SHISA6: variants seen among roughly 807,000 people sequenced by gnomAD.
The protein encoded by SHISA6 is shisa family member 6, also known as protein shisa-6.
A neutral mutation model predicts 47.9 loss-of-function variants in SHISA6; 22 were observed. That is an observed-to-expected ratio of 0.46 (90% CI 0.33 to 0.66). SHISA6 has a LOEUF of 0.66. Among genes scored for constraint, SHISA6 ranks in the 30% least tolerant of loss-of-function variants. The pLI is 0.02. For synonymous variants in SHISA6, 388 were observed against 337.8 expected (o/e 1.15, Z -1.63); for missense variants, 680 against 764.6 (o/e 0.89, Z 1.30).
chr17:11,262,593 A>T (rs1567553753), intron 1 of SHISA6, among the ~76,000 whole-genome samples: 1 of 152,222 alleles, frequency 6.6e-6, no homozygotes, highest in South Asian at 2.1e-4. Flanking sequence ...TGACTGATGC[A>T]TGCTGAATCG....
intron 3 of SHISA6, among the ~76,000 whole-genome samples, chr17:11,433,911 A>G (rs2142291825): frequency 6.6e-6 from 1 of 152,278 alleles, no homozygotes; most frequent in East Asian, 1.9e-4. Context: ...AAAATAGGTA[A>G]TTTCCCAAGA....
chr17:11,284,587 G>A (rs1909231549), intron 2 of SHISA6, among the ~76,000 whole-genome samples: 1 of 152,108 alleles, frequency 6.6e-6, no homozygotes, highest in African/African-American at 2.4e-5. Context: ...TGTTTTTAGT[G>A]CATTTTCTTC....
intron 2 of SHISA6, among the ~76,000 whole-genome samples, chr17:11,286,861 C>G (rs996890332): frequency 5.3e-5 from 8 of 152,176 alleles, no homozygotes; most frequent in Non-Finnish European, 8.8e-5. Flanking sequence ...AGAAATAATT[C>G]CAGCTCTTAT....
At chr17:11,505,597 C>T (rs899465967) in intron 3 of SHISA6, among the ~76,000 whole-genome samples, 1 of 152,214 alleles carries the variant, frequency 6.6e-6, no homozygotes, top group Admixed American at 6.5e-5. Context: ...GCTCAAGGGG[C>T]TTCCCAGAGC....
At chr17:11,275,839 A>G (rs1908867768) in intron 2 of SHISA6, among the ~76,000 whole-genome samples, 1 of 152,116 alleles carries the variant, frequency 6.6e-6, no homozygotes, top group African/African-American at 2.4e-5. Context: ...GAGGGGCCTT[A>G]TGGGTCACAC....
At chr17:11,500,796 T>C (rs988770787) in intron 3 of SHISA6, among the ~76,000 whole-genome samples, 1 of 152,170 alleles carries the variant, frequency 6.6e-6, no homozygotes, top group Non-Finnish European at 1.5e-5. Flanking sequence ...TCCCATCATC[T>C]CAGAAAGTGC....
intron 3 of SHISA6, among the ~76,000 whole-genome samples, chr17:11,511,946 C>T (rs1230449163): frequency 6.6e-6 from 1 of 152,202 alleles, no homozygotes; most frequent in African/African-American, 2.4e-5. Flanking sequence ...TACAAAGGGC[C>T]TTGGGCCAGG....
chr17:11,319,791 C>A (rs1293700768), intron 2 of SHISA6, among the ~76,000 whole-genome samples: 1 of 152,204 alleles, frequency 6.6e-6, no homozygotes, highest in Non-Finnish European at 1.5e-5. Flanking sequence ...CATTGCTAGT[C>A]ATTGGAGACA....
At chr17:11,288,225 A>C (rs1397418240) in intron 2 of SHISA6, 1 of 152,150 alleles carries the variant, frequency 6.6e-6, no homozygotes, top group Non-Finnish European at 1.5e-5. Context: ...TAGTTGCAAA[A>C]CCTTCTTTTA....
Position 11,563,650 on chromosome 17 carries a change from A to G in SHISA6, c.*5346A>G, listed in dbSNP as rs1203109498. ...TAGTGGCAAATATTCCTCTAGTTCTATAACTCAACTAGACATTTTGTAGTA... is the reference window on the plus strand; with the variant it reads ...TAGTGGCAAATATTCCTCTAGTTCTGTAACTCAACTAGACATTTTGTAGTA... On this transcript the variant is annotated 3_prime_UTR_variant, in exon 6 of 6. Transcript: ENST00000441885. 1.3e-5 allele frequency: 2 copies of G among 152,208 alleles called. No individual in the cohort carries two copies. The highest frequency in any genetic ancestry group is 3.9e-4 in the East Asian group (2 of 5,188). The allele number at this position is 152,208 out of a possible 1,614,324, so 9.4% of individuals were successfully genotyped here. A position where few individuals can be genotyped will look rare whatever the true frequency, so the allele number is the denominator to read the frequency against.
At chr17:11,406,518 CCT>C (rs1913966341) in intron 3 of SHISA6, among the ~76,000 whole-genome samples, 1 of 152,196 alleles carries the variant, frequency 6.6e-6, no homozygotes, top group South Asian at 2.1e-4. Context: ...CTCGGCAACT[CCT>C]CTTTGCTCCG....
rs2071933889 is a variant in SHISA6, at chr17:11,551,776, T to G, written c.896-120T>G. 2.8e-5 allele frequency: 24 copies of G among 849,124 alleles called. No homozygotes were observed. The South Asian group carries it at 3.9e-4, about 14-fold the overall frequency. The allele number at this position is 849,124 out of a possible 1,614,324, so 52.6% of individuals were successfully genotyped here. A position where few individuals can be genotyped will look rare whatever the true frequency, so the allele number is the denominator to read the frequency against. On this transcript the variant is annotated intron_variant, in intron 3 of 5. Transcript: ENST00000441885. ...CCTCATACAATGACCTCTGCCTTTC[T>G]TAGAAGTGCTTCCTTTAAGTCAGAG...
chr17:11,335,688 TTATCAG>T (rs1475026564), intron 2 of SHISA6, among the ~76,000 whole-genome samples: 3 of 152,112 alleles, frequency 2.0e-5, no homozygotes, highest in African/African-American at 7.2e-5. Context: ...TTCCCACGAA[TTATCAG>T]GAGCCCGAGG....
intron 3 of SHISA6, among the ~76,000 whole-genome samples, chr17:11,388,659 A>G (rs1257111825): frequency 1.3e-5 from 2 of 151,286 alleles, no homozygotes; most frequent in Non-Finnish European, 3.0e-5. Flanking sequence ...GTGTGATTCC[A>G]TATGTTGTTA....
intron 2 of SHISA6, among the ~76,000 whole-genome samples, chr17:11,277,280 T>TCTCTCTCTCTCTCTCACA (rs1386997909): frequency 8.2e-4 from 44 of 53,912 alleles, no homozygotes; most frequent in East Asian, 3.6e-3. Flanking sequence ...TCTCTCTCTC[T>TCTCTCTCTCTCTCTCACA]CACACACACA....
intron 3 of SHISA6, among the ~76,000 whole-genome samples, chr17:11,453,700 G>A (rs981003603): frequency 6.6e-6 from 1 of 152,128 alleles, no homozygotes; most frequent in African/African-American, 2.4e-5. Context: ...TGGTGGGAAC[G>A]TTGCTGGAAA....
chr17:11,418,760 C>A (rs952231889), intron 3 of SHISA6, among the ~76,000 whole-genome samples: 7 of 152,186 alleles, frequency 4.6e-5, no homozygotes, highest in African/African-American at 1.7e-4. Context: ...TCCCTGCCAC[C>A]CCACCTGCCT....
rs115180547 is a variant in SHISA6, at chr17:11,482,584, C to T, written c.896-69312C>T. Among the ~76,000 whole-genome samples, 588 of 152,294 alleles carry T rather than the reference C, an allele frequency of 3.9e-3. 4 individuals carry two copies. Among genetic ancestry groups the T allele is most frequent in the African/African-American group, 0.013 (554 of 41,566 alleles). ...TGAATGAAAAAGCTCACAAGACTATCGCATTGCTAGTGAACATGGAAACTA... is the reference window on the plus strand; with the variant it reads ...TGAATGAAAAAGCTCACAAGACTATTGCATTGCTAGTGAACATGGAAACTA... On this transcript the variant is annotated intron_variant, in intron 3 of 5. Coordinates refer to ENST00000441885, the MANE Select transcript of SHISA6 (RefSeq NM_207386.4).
At chr17:11,534,563 C>T (rs1380140236) in intron 3 of SHISA6, among the ~76,000 whole-genome samples, 3 of 151,996 alleles carry the variant, frequency 2.0e-5, no homozygotes, top group Non-Finnish European at 4.4e-5. Context: ...AATTATAACA[C>T]AATGTAGAAA....
Sources: gnomAD v4.1 joint callset for allele counts (sites outside exome capture counted in the v4.1 genomes callset) on GRCh38, gnomAD v4.1.1 for gene constraint, MANE v1.5 for transcripts, NCBI Gene and HGNC (gene_info 2026-07-23, HGNC 2026-07-21) for gene names.